Variants in OVCH1 observed in about 807,000 individuals in gnomAD.
OVCH1 encodes ovochymase 1.
Under a neutral mutation model 138.4 loss-of-function variants are expected in OVCH1, and 139 were observed. The ratio of observed to expected loss-of-function variants is 1.00; its 90% CI spans 0.87 to 1.16. OVCH1 has a LOEUF of 1.16. OVCH1 is among the 50% of genes most tolerant of loss of function. The pLI is 0.00. For missense variants in OVCH1, 1,367 were observed against 1,357.9 expected, an observed-to-expected ratio of 1.01 and a Z score of -0.11; for synonymous variants, 453 against 467.8, an observed-to-expected ratio of 0.97 and a Z score of 0.41.
intron 22 of OVCH1, among the ~76,000 whole-genome samples, chr12:29,445,973 A>G (rs754336319): frequency 2.1e-4 from 32 of 152,104 alleles, no homozygotes; most frequent in Non-Finnish European, 4.4e-4. Context: ...TCATTTTTTA[A>G]CATTTATTTA....
At chr12:29,408,721 T>A (rs1368797516), downstream of OVCH1, among the ~76,000 whole-genome samples, 2 of 145,966 alleles carry the variant, frequency 1.4e-5, no homozygotes, top group African/African-American at 4.9e-5. Context: ...AGTATTTTAT[T>A]GAGGATTTTT....
At chr12:29,485,968 TAAAATAAA>T (rs958277910) in intron 8 of OVCH1, among the ~76,000 whole-genome samples, 5 of 73,958 alleles carry the variant, frequency 6.8e-5, no homozygotes, top group African/African-American at 1.7e-4. Flanking sequence ...TAAAATAAAA[TAAAATAAA>T]TAAATAAATA....
In OVCH1 at chr12:29,454,886, G is replaced by A; in HGVS notation, c.2485C>T (p.Gln829Ter). Reference sequence around the variant, plus strand: ...GGTGAAGGTGTGGGTGGTGGCAATTGTTGTTTTAAGGTTTTGCATTTATTA... The same window carrying A: ...GGTGAAGGTGTGGGTGGTGGCAATTATTGTTTTAAGGTTTTGCATTTATTA... Residue 829 changes from glutamine to a stop codon, truncating the protein, a stop_gained, in exon 21 of 28, where the codon CAA (glutamine) becomes TAA (stop). Coordinates refer to ENST00000318184, the Ensembl canonical transcript of OVCH1. LOFTEE classifies it high-confidence loss of function. 2 of 1,612,946 alleles carry A rather than the reference G, an allele frequency of 1.2e-6. No homozygotes were observed. Among genetic ancestry groups the A allele is most frequent in the East Asian group, 2.2e-5 (1 of 44,842 alleles).
chr12:29,472,937 A>T, intron 15 of OVCH1, 92 bp downstream of exon 15: 1 of 1,092,420 alleles, frequency 9.2e-7, no homozygotes, highest in Non-Finnish European at 1.3e-6. Context: ...CTGTGGAGTT[A>T]TAGCCAATGT....
intron 22 of OVCH1, among the ~76,000 whole-genome samples, chr12:29,449,375 T>A (rs974867778): frequency 6.7e-6 from 1 of 149,846 alleles, no homozygotes; most frequent in Non-Finnish European, 1.5e-5. Flanking sequence ...ATGTTAAGGA[T>A]TTTTTTTTTC....
downstream of OVCH1, among the ~76,000 whole-genome samples, chr12:29,407,511 A>G (rs1940899619): frequency 6.7e-6 from 1 of 150,006 alleles, no homozygotes; most frequent in South Asian, 2.1e-4. Context: ...ATCCAGTTTC[A>G]GCTTTCTCCA....
chr12:29,432,466 A>G (rs540208425), intron 27 of OVCH1, among the ~76,000 whole-genome samples: 3 of 152,316 alleles, frequency 2.0e-5, no homozygotes, highest in South Asian at 2.1e-4. Context: ...TGGAGTTGCT[A>G]TCTACTAAGG....
chr12:29,497,479 G>T (rs1166664893), intron 1 of OVCH1, 144 bp downstream of exon 1: 1 of 959,006 alleles, frequency 1.0e-6, no homozygotes, highest in Non-Finnish European at 1.5e-6. Context: ...ATCTGAGCAT[G>T]CACCACCCCC....
chr12:29,470,501 G>A (rs1356722690), intron 16 of OVCH1, among the ~76,000 whole-genome samples: 1 of 152,150 alleles, frequency 6.6e-6, no homozygotes, highest in Non-Finnish European at 1.5e-5. Flanking sequence ...AGTTCGCTGA[G>A]AATGATGGCT....
At position 29,439,269 on chromosome 12, in the gene OVCH1, TTC is replaced by T. The variant is rs1941424042; in HGVS notation, c.3264+57_3264+58del. 8 of 1,339,112 alleles carry T rather than the reference TTC, an allele frequency of 6.0e-6. No homozygotes were observed. The South Asian group carries it at 6.8e-5, about 11-fold the overall frequency. 83.0% of individuals were successfully genotyped at this position (1,339,112 alleles called of 1,614,324 possible). On this transcript the variant is annotated intron_variant, in intron 26 of 27. Coordinates refer to ENST00000318184, the Ensembl canonical transcript of OVCH1. ...ATTTTGTCACTTCTCTTATTTATTG[TTC>T]TTTTTGTTAAGATGTTATATAAGCC... is the stretch of plus-strand genomic sequence containing the variant.
chr12:29,437,383 G>A (rs1490403924), intron 26 of OVCH1, among the ~76,000 whole-genome samples: 3 of 152,092 alleles, frequency 2.0e-5, no homozygotes, highest in African/African-American at 7.2e-5. Flanking sequence ...TTCATATTAT[G>A]AATCCCCTAA....
rs1021309094 is a variant in OVCH1, at chr12:29,475,030, A to G, written c.1600+31T>C. 1.9e-6 allele frequency: 3 copies of G among 1,563,890 alleles called. No individual in the cohort carries two copies. The African/African-American group carries it at 4.1e-5, about 21-fold the overall frequency. On this transcript the variant is annotated intron_variant, in intron 14 of 27. Transcript: ENST00000318184. ...TCCCTGTAACCATTTGCATAAACAA[A>G]AGTCCTTATTACACAAATGTTTATA...
the OVCH1 span, among the ~76,000 whole-genome samples, chr12:29,405,041 A>C: frequency 1.1e-4 from 13 of 123,378 alleles, no homozygotes; most frequent in South Asian, 7.8e-4. Context: ...AAAAAAAAAA[A>C]AAAAAAAAAA....
chr12:29,487,809 A>T, exon 7 of OVCH1: 1 of 1,606,788 alleles, frequency 6.2e-7, no homozygotes, highest in Non-Finnish European at 8.5e-7. Context: ...ACAACCAGCT[A>T]CCCAGGAAGT....
chr12:29,446,560 T>C (rs904185059), intron 22 of OVCH1, among the ~76,000 whole-genome samples: 2 of 152,076 alleles, frequency 1.3e-5, no homozygotes, highest in African/African-American at 4.8e-5. Context: ...AAGCTGACAA[T>C]TTCAAAAATT....
downstream of OVCH1, among the ~76,000 whole-genome samples, chr12:29,426,241 C>T (rs1941177947): frequency 6.6e-6 from 1 of 152,124 alleles, no homozygotes; most frequent in African/African-American, 2.4e-5. Context: ...AGCCATTGAT[C>T]CCATAAACTT....
intron 22 of OVCH1, 72 bp from the exon 23 acceptor site, chr12:29,445,475 A>G (rs1368198943): frequency 3.5e-6 from 5 of 1,421,752 alleles, no homozygotes; most frequent in Non-Finnish European, 3.8e-6. Context: ...TTTTAGGCCG[A>G]GCAATTAATT....
At chr12:29,494,813 G>A (rs1006873594) in intron 4 of OVCH1, among the ~76,000 whole-genome samples, 1 of 152,142 alleles carries the variant, frequency 6.6e-6, no homozygotes, top group African/African-American at 2.4e-5. Context: ...AGGCAGGAAA[G>A]GGTAGGGAGG....
downstream of OVCH1, among the ~76,000 whole-genome samples, chr12:29,411,716 G>T (rs74417682): frequency 1.3e-5 from 2 of 152,026 alleles, no homozygotes; most frequent in Admixed American, 6.6e-5. Context: ...TGCCCCTACT[G>T]GGGGGTGCCT....
Sources: gnomAD v4.1 joint callset for allele counts (sites outside exome capture counted in the v4.1 genomes callset) on GRCh38, gnomAD v4.1.1 for gene constraint, MANE v1.5 for transcripts, NCBI Gene and HGNC (gene_info 2026-07-23, HGNC 2026-07-21) for gene names.